Variants in PRIM1 observed in about 807,000 individuals in gnomAD.
The protein encoded by PRIM1 is DNA primase subunit 1, also known as DNA primase small subunit.
Under a neutral mutation model 60.2 loss-of-function variants are expected in PRIM1, and 38 were observed. The ratio of observed to expected loss-of-function variants is 0.63; its 90% CI spans 0.49 to 0.83. PRIM1 has a LOEUF of 0.83. Among genes scored for constraint, PRIM1 ranks in the 40% least tolerant of loss-of-function variants. The pLI is 0.00. For synonymous variants in PRIM1, 158 were observed against 160.2 expected (o/e 0.99, Z 0.10); for missense variants, 388 against 506.2 (o/e 0.77, Z 2.24).
intron 9 of PRIM1, among the ~76,000 whole-genome samples, 158 bp from the exon 10 acceptor site, chr12:56,739,521 C>T (rs959350594): frequency 6.6e-6 from 1 of 152,144 alleles, no homozygotes; most frequent in South Asian, 2.1e-4. Flanking sequence ...ATTACTTTCA[C>T]ATTAGCTGTG....
intron 4 of PRIM1, chr12:56,746,413 A>G (rs1433138281): frequency 1.1e-5 from 7 of 653,788 alleles, no homozygotes; most frequent in South Asian, 1.1e-4. Flanking sequence ...TGGGCAGATC[A>G]CGAGGTCAGG....
chr12:56,742,916 C>T, intron 7 of PRIM1, 71 bp downstream of exon 7: 1 of 1,111,218 alleles, frequency 9.0e-7, no homozygotes, highest in Middle Eastern at 2.8e-4. Flanking sequence ...TACAAGCAGA[C>T]ATGTCTAACA....
Position 56,746,063 on chromosome 12 carries a change from C to T in PRIM1, c.561G>A (p.Glu187=). The change falls in exon 5 of 13, where the codon GAG becomes GAA. Residue 187 remains glutamate, a synonymous_variant. Coordinates refer to ENST00000338193, the MANE Select transcript of PRIM1 (RefSeq NM_000946.3). The part of the protein sequence containing the change: ...LSSAVRSGIV[E]YLSLVKGGQD... Reference sequence around the variant, plus strand: ...ATCTTACCTTTACAAGGCTCAAATACTCAACTATCCCAGAACGTACTGCAG... The same window carrying T: ...ATCTTACCTTTACAAGGCTCAAATATTCAACTATCCCAGAACGTACTGCAG... 2 of 1,608,070 alleles carry T rather than the reference C, an allele frequency of 1.2e-6. No individual in the cohort carries two copies. The highest frequency in any genetic ancestry group is 1.7e-6 in the Non-Finnish European group (2 of 1,178,332).
At chr12:56,742,346 G>T (rs571463894) in intron 7 of PRIM1, among the ~76,000 whole-genome samples, 1 of 152,064 alleles carries the variant, frequency 6.6e-6, no homozygotes, top group African/African-American at 2.4e-5. Flanking sequence ...TATTTTGGGA[G>T]GCTGAGGTGG....
intron 9 of PRIM1, 31 bp downstream of exon 9, chr12:56,741,404 T>G (rs764103216): frequency 8.5e-5 from 135 of 1,591,434 alleles, no homozygotes; most frequent in Non-Finnish European, 1.0e-4. Flanking sequence ...TCATTTTTCT[T>G]TTAGTTTTCC....
chr12:56,752,142 C>T, intron 1 of PRIM1, 54 bp downstream of exon 1: 6 of 1,326,936 alleles, frequency 4.5e-6, no homozygotes, highest in Non-Finnish European at 6.3e-6. Flanking sequence ...TAAGGACACC[C>T]CGCCTCCAAC....
chr12:56,736,055 T>A (rs1172044109), intron 11 of PRIM1, among the ~76,000 whole-genome samples: 1 of 151,080 alleles, frequency 6.6e-6, no homozygotes, highest in South Asian at 2.1e-4. Flanking sequence ...CCCAGCACTT[T>A]GGGAGGCCGA....
rs1476683482 is a variant in PRIM1 at position 56,743,911 on chromosome 12, AG to A, written c.638+153del. 5.5e-6 allele frequency: 3 copies of A among 549,746 alleles called. No individual in the cohort carries two copies. In the African/African-American group the frequency reaches 5.7e-5, roughly 10 times the overall value. 34.1% of individuals were successfully genotyped at this position (549,746 alleles called of 1,614,324 possible). Reference sequence around the variant, plus strand: ...TGAGAACATCTGTAAAGCACCTTTTAGGAATACTGCAGCATAAAATAGGCAC... The same window carrying A: ...TGAGAACATCTGTAAAGCACCTTTTAGAATACTGCAGCATAAAATAGGCAC... On this transcript the variant is annotated intron_variant, in intron 6 of 12. Transcript: ENST00000338193.
intron 11 of PRIM1, among the ~76,000 whole-genome samples, chr12:56,737,220 G>A (rs1359640050): frequency 6.6e-6 from 1 of 152,074 alleles, no homozygotes; most frequent in African/African-American, 2.4e-5. Context: ...ATGATCTGAG[G>A]TAAAAAAGTT....
At chr12:56,733,921 T>C (rs566492236) in intron 12 of PRIM1, among the ~76,000 whole-genome samples, 6 of 152,208 alleles carry the variant, frequency 3.9e-5, no homozygotes, top group Non-Finnish European at 7.3e-5. Context: ...CAAGGAGGCA[T>C]GATGTTAATT....
intron 2 of PRIM1, among the ~76,000 whole-genome samples, chr12:56,750,197 G>C (rs1269491158): frequency 6.6e-6 from 1 of 152,198 alleles, no homozygotes; most frequent in Non-Finnish European, 1.5e-5. Context: ...CAGATTCTGA[G>C]TTGTTTTAAA....
At chr12:56,747,767 A>C (rs959421523) in intron 2 of PRIM1, among the ~76,000 whole-genome samples, 6 of 152,116 alleles carry the variant, frequency 3.9e-5, no homozygotes, top group Admixed American at 3.9e-4. Flanking sequence ...CTGAGAGGTT[A>C]ATTCCACCAT....
intron 6 of PRIM1, 194 bp downstream of exon 6, chr12:56,743,871 T>C: frequency 2.2e-6 from 1 of 449,268 alleles, no homozygotes; most frequent in Admixed American, 3.7e-5. Context: ...CTTGTGGGGT[T>C]TTTTTGAAGA....
intron 10 of PRIM1, among the ~76,000 whole-genome samples, 171 bp from the exon 11 acceptor site, chr12:56,738,696 C>T (rs2137860601): frequency 6.6e-6 from 1 of 152,284 alleles, no homozygotes; most frequent in South Asian, 2.1e-4. Context: ...GGACTACAGG[C>T]ATATGCCACC....
At chr12:56,736,332 A>ATACAATT (rs1953830517) in intron 11 of PRIM1, among the ~76,000 whole-genome samples, 1 of 148,186 alleles carries the variant, frequency 6.7e-6, no homozygotes, top group East Asian at 2.0e-4. Context: ...AAAAAAGAAT[A>ATACAATT]TACAATTTTA....
In PRIM1 at chr12:56,734,131, A is replaced by C; in HGVS notation, c.1243+16T>G. Reference sequence around the variant, plus strand: ...TAAGATCTAACTAGATAGAAGGGAAAGGCATAGCGTCTTACCACTCTTCTT... The same window carrying C: ...TAAGATCTAACTAGATAGAAGGGAACGGCATAGCGTCTTACCACTCTTCTT... On this transcript the variant is annotated intron_variant, in intron 12 of 12. Coordinates refer to ENST00000338193, the MANE Select transcript of PRIM1 (RefSeq NM_000946.3). 6.6e-7 allele frequency: 1 copy of C among 1,524,302 alleles called. No homozygotes were observed. Among genetic ancestry groups the C allele is most frequent in the South Asian group, 1.2e-5 (1 of 86,386 alleles). 94.4% of individuals were successfully genotyped at this position (1,524,302 alleles called of 1,614,324 possible). A position where few individuals can be genotyped will look rare whatever the true frequency, so the allele number is the denominator to read the frequency against.
chr12:56,733,955 T>C (rs1406265875), intron 12 of PRIM1, among the ~76,000 whole-genome samples, 192 bp downstream of exon 12: 1 of 152,208 alleles, frequency 6.6e-6, no homozygotes, highest in Non-Finnish European at 1.5e-5. Context: ...CTTATAGACC[T>C]GATACTTAGA....
chr12:56,736,867 T>C (rs552544697), intron 11 of PRIM1, among the ~76,000 whole-genome samples: 1 of 152,108 alleles, frequency 6.6e-6, no homozygotes, highest in South Asian at 2.1e-4. Context: ...AGTGGTGTGG[T>C]CAAGGCTTAC....
chr12:56,746,626 T>TCACACA lies in PRIM1; in HGVS notation c.442+149_442+154dup, dbSNP rs71446569. ...AGCCTGGCTGACAGAGTGAGACTCGTCACACACACACACACACACACACAC... is the reference window on the plus strand; with the variant it reads ...AGCCTGGCTGACAGAGTGAGACTCGTCACACACACACACACACACACACACACACAC... On this transcript the variant is annotated intron_variant, in intron 4 of 12. Coordinates refer to ENST00000338193, the MANE Select transcript of PRIM1 (RefSeq NM_000946.3). 5.0e-4 allele frequency: 319 copies of TCACACA among 640,578 alleles called. 2 individuals carry two copies. Among genetic ancestry groups the TCACACA allele is most frequent in the African/African-American group, 2.9e-3 (130 of 45,010 alleles). 39.7% of individuals were successfully genotyped at this position (640,578 alleles called of 1,614,324 possible). A position where few individuals can be genotyped will look rare whatever the true frequency, so the allele number is the denominator to read the frequency against.
Sources: gnomAD v4.1 joint callset for allele counts (sites outside exome capture counted in the v4.1 genomes callset) on GRCh38, gnomAD v4.1.1 for gene constraint, MANE v1.5 for transcripts, NCBI Gene and HGNC (gene_info 2026-07-23, HGNC 2026-07-21) for gene names.